TMEM11: variants seen among roughly 807,000 people sequenced by gnomAD.
TMEM11 encodes the protein transmembrane protein 11.
TMEM11 carries 1 observed loss-of-function variant against 17.0 expected under a neutral mutation model. The ratio of observed to expected loss-of-function variants is 0.06; its 90% CI spans 0.02 to 0.28. The LOEUF (loss-of-function observed/expected upper bound fraction) is 0.28. Among genes scored for constraint, TMEM11 ranks in the 10% least tolerant of loss-of-function variants. TMEM11 has a pLI of 1.00. For synonymous variants in TMEM11, 122 were observed against 118.1 expected (o/e 1.03, Z -0.21); for missense variants, 172 against 252.9 (o/e 0.68, Z 2.17).
intron 1 of TMEM11, among the ~76,000 whole-genome samples, chr17:21,199,101 A>C (rs949014798): frequency 6.6e-6 from 1 of 151,944 alleles, no homozygotes; most frequent in Non-Finnish European, 1.5e-5. Flanking sequence ...GGGGCGGATC[A>C]TGAGGTCAGG....
intron 1 of TMEM11, among the ~76,000 whole-genome samples, chr17:21,202,430 C>T (rs1326450152): frequency 6.6e-6 from 1 of 152,176 alleles, no homozygotes; most frequent in Non-Finnish European, 1.5e-5. Context: ...CCTTTCTCTG[C>T]CCAGCAGGCC....
chr17:21,204,692 C>A (rs1050677050), intron 1 of TMEM11, among the ~76,000 whole-genome samples: 33 of 152,152 alleles, frequency 2.2e-4, no homozygotes, highest in African/African-American at 7.7e-4. Context: ...AAGGGAGGCT[C>A]TTTCTAGTAA....
intron 1 of TMEM11, among the ~76,000 whole-genome samples, chr17:21,201,358 A>G (rs1367790854): frequency 6.6e-6 from 1 of 152,188 alleles, no homozygotes. Flanking sequence ...CCCTAATTAA[A>G]CGGCATGCAC....
In TMEM11 at chr17:21,198,660, C is replaced by T. The variant is rs1302346726; in HGVS notation, c.243G>A (p.Leu81=). ...TGCCCGCCAGCACGGCCGTCTTGTG[C>T]AGGCAGTTGCCCACGGTGATCCAGC... ...TARWITVGNC[L]HKTAVLAGTA... is the part of the protein sequence containing the mutation. Residue 81 remains leucine (L), a synonymous_variant, in exon 2 of 2, where the codon CTG becomes CTA. Coordinates refer to ENST00000317635, the MANE Select transcript of TMEM11 (RefSeq NM_003876.3). The surrounding 1 kb of genome is among the most constrained non-coding windows in gnomAD (Gnocchi z 6.5). 1 of 1,613,992 alleles carries T rather than the reference C, an allele frequency of 6.2e-7. No individual in the cohort carries two copies. Among genetic ancestry groups the T allele is most frequent in the Non-Finnish European group, 8.5e-7 (1 of 1,180,056 alleles).
chr17:21,206,576 AC>A (rs1974945333), intron 1 of TMEM11, among the ~76,000 whole-genome samples: 1 of 151,640 alleles, frequency 6.6e-6, no homozygotes, highest in Admixed American at 6.6e-5. Flanking sequence ...CACTCTTGTC[AC>A]CCAGACTGCA....
chr17:21,209,069 T>G (rs141302825), intron 1 of TMEM11, among the ~76,000 whole-genome samples: 1 of 152,216 alleles, frequency 6.6e-6, no homozygotes, highest in African/African-American at 2.4e-5. Flanking sequence ...TGCCCCAGAC[T>G]CAAAGGCACG....
rs796489218 is a variant in TMEM11 at position 21,203,344 on chromosome 17, T to A, written c.63-4504A>T. Among the ~76,000 whole-genome samples the A allele has an allele frequency of 2.0e-5, 3 of 152,142 alleles. No individual in the cohort carries two copies. The East Asian group carries it at 5.8e-4, about 29-fold the overall frequency. Reference sequence around the variant, plus strand: ...GGGTGCTGTCAGTGCAGACACAGGTTTTTTAGCTGCCACTGCTGGGCCCTT... The same window carrying A: ...GGGTGCTGTCAGTGCAGACACAGGTATTTTAGCTGCCACTGCTGGGCCCTT... On this transcript the variant is annotated intron_variant, in intron 1 of 1. Transcript: ENST00000317635.
At chr17:21,210,847 G>C in intron 1 of TMEM11, 1 of 1,183,554 alleles carries the variant, frequency 8.4e-7, no homozygotes, top group East Asian at 5.8e-5. Context: ...GCACACCCCA[G>C]GTTGCCTCAT....
intron 1 of TMEM11, among the ~76,000 whole-genome samples, chr17:21,203,599 C>G (rs1218956009): frequency 6.6e-6 from 1 of 151,702 alleles, no homozygotes; most frequent in Admixed American, 6.6e-5. Context: ...TACAGCTACT[C>G]AGCAGGCTGA....
intron 1 of TMEM11, among the ~76,000 whole-genome samples, chr17:21,200,109 C>T (rs1030477978): frequency 3.9e-5 from 6 of 152,344 alleles, no homozygotes; most frequent in Middle Eastern, 6.8e-3. Flanking sequence ...CCACACGGAA[C>T]GCTCAGCTCT....
chr17:21,207,229 T>A (rs1974951601), intron 1 of TMEM11, among the ~76,000 whole-genome samples: 1 of 152,178 alleles, frequency 6.6e-6, no homozygotes, highest in African/African-American at 2.4e-5. Context: ...AACATATAAC[T>A]TTAAAAAATC....
chr17:21,208,950 C>T (rs1018801555), intron 1 of TMEM11, among the ~76,000 whole-genome samples: 1 of 152,228 alleles, frequency 6.6e-6, no homozygotes, highest in Non-Finnish European at 1.5e-5. Context: ...GTCACTTGAT[C>T]ACCTATGATA....
intron 1 of TMEM11, among the ~76,000 whole-genome samples, chr17:21,211,945 T>C (rs998414283): frequency 2.6e-5 from 4 of 152,158 alleles, no homozygotes; most frequent in Non-Finnish European, 5.9e-5. Flanking sequence ...TCTCATAATC[T>C]AGAGTGCTGG....
chr17:21,209,003 A>G (rs1974974419), intron 1 of TMEM11, among the ~76,000 whole-genome samples: 2 of 152,194 alleles, frequency 1.3e-5, no homozygotes, highest in African/African-American at 4.8e-5. Context: ...CTGCCTAATT[A>G]AGCCCTGCTT....
intron 1 of TMEM11, chr17:21,208,380 G>A (rs1974967548): frequency 6.6e-6 from 1 of 151,758 alleles, no homozygotes; most frequent in Non-Finnish European, 1.5e-5. Context: ...TTGAGGTAAA[G>A]GGACCAGATA....
chr17:21,211,288 AC>A, intron 1 of TMEM11: 1 of 1,215,810 alleles, frequency 8.2e-7, no homozygotes, highest in Middle Eastern at 2.2e-4. Flanking sequence ...TGCTATTTCC[AC>A]CCCTCCTATC....
chr17:21,213,871 C>T (rs762027368), intron 1 of TMEM11: 1 of 565,912 alleles, frequency 1.8e-6, no homozygotes, highest in Non-Finnish European at 3.1e-6. Context: ...CCTTACTCAG[C>T]CCGGCTAACG....
At chr17:21,205,060 C>T (rs1305924789) in intron 1 of TMEM11, among the ~76,000 whole-genome samples, 1 of 152,124 alleles carries the variant, frequency 6.6e-6, no homozygotes, top group Non-Finnish European at 1.5e-5. Context: ...ACTCAATCAG[C>T]TCTCGCAGTC....
chr17:21,207,367 T>TA (rs913921844), intron 1 of TMEM11, among the ~76,000 whole-genome samples: 3 of 151,554 alleles, frequency 2.0e-5, no homozygotes, highest in Non-Finnish European at 2.9e-5. Context: ...GTGTCCCTAC[T>TA]AAAAATACAA....
Sources: allele counts gnomAD v4.1 joint callset (sites outside exome capture counted in the v4.1 genomes callset), GRCh38; gene constraint gnomAD v4.1.1; non-coding constraint Gnocchi (gnomAD v3.1); transcripts MANE v1.5; gene names NCBI Gene and HGNC (gene_info 2026-07-23, HGNC 2026-07-21).